Variants in ARL15 observed in about 807,000 individuals in gnomAD.
ARL15 encodes the protein ARF like GTPase 15.
ARL15 carries 19 observed loss-of-function variants against 25.2 expected under a neutral mutation model. That is an observed-to-expected ratio of 0.75 (90% CI 0.53 to 1.10). The LOEUF (loss-of-function observed/expected upper bound fraction) is 1.10, where lower values mean the gene tolerates loss of function less well. Ranked by LOEUF, ARL15 falls within the 50% of genes least tolerant of loss-of-function variation. The pLI is 0.00. For synonymous variants in ARL15, 94 were observed against 86.8 expected (o/e 1.08, Z -0.46); for missense variants, 220 against 246.0 (o/e 0.89, Z 0.71).
intron 4 of ARL15, among the ~76,000 whole-genome samples, chr5:54,002,742 T>G (rs571529597): frequency 6.6e-6 from 1 of 152,202 alleles, no homozygotes; most frequent in Non-Finnish European, 1.5e-5. Flanking sequence ...GATGCATATA[T>G]TTGCAAATTT....
chr5:54,013,462 T>G (rs1749309483), intron 4 of ARL15, among the ~76,000 whole-genome samples: 1 of 152,214 alleles, frequency 6.6e-6, no homozygotes, highest in African/African-American at 2.4e-5. Context: ...TCCCTAAAAT[T>G]GACACTTTCC....
At position 54,131,303 on chromosome 5, in the gene ARL15, C is replaced by G. The variant is rs149928592; in HGVS notation, c.254-17893G>C. On this transcript the variant is annotated intron_variant, in intron 3 of 4. Coordinates refer to ENST00000504924, the MANE Select transcript of ARL15 (RefSeq NM_019087.3). ...GAATCTTTTCACACCATTTATGAAACGTTTACACTGGTCAAAATGAACTGC... is the reference window on the plus strand; with the variant it reads ...GAATCTTTTCACACCATTTATGAAAGGTTTACACTGGTCAAAATGAACTGC... Among the ~76,000 whole-genome samples, 249 of 152,270 alleles carry G rather than the reference C, an allele frequency of 1.6e-3. 2 individuals carry two copies. Among genetic ancestry groups the G allele is most frequent in the Admixed American group, 8.1e-3 (124 of 15,300 alleles).
At chr5:54,080,558 T>G (rs1190535779) in intron 4 of ARL15, among the ~76,000 whole-genome samples, 2 of 152,232 alleles carry the variant, frequency 1.3e-5, no homozygotes, top group Admixed American at 1.3e-4. Flanking sequence ...CCTAACGTTT[T>G]GTGTTTTTAG....
chr5:53,955,453 C>T (rs996880581), intron 4 of ARL15, among the ~76,000 whole-genome samples: 7 of 152,006 alleles, frequency 4.6e-5, no homozygotes, highest in South Asian at 2.1e-4. Context: ...AAGAATTTTT[C>T]GATAAATAAA....
chr5:54,245,530 G>A (rs1757064964), intron 1 of ARL15, among the ~76,000 whole-genome samples: 1 of 152,072 alleles, frequency 6.6e-6, no homozygotes, highest in Non-Finnish European at 1.5e-5. Context: ...TGTAACTTCA[G>A]GCAAGTTCAA....
At position 54,274,648 on chromosome 5, in the gene ARL15, C is replaced by T. The variant is rs1048019615; in HGVS notation, c.48+35784G>A. Among the ~76,000 whole-genome samples the T allele has an allele frequency of 5.3e-5, 8 of 152,244 alleles. No homozygotes were observed. In the East Asian group the frequency reaches 9.7e-4, roughly 18 times the overall value. ...GCTCGGCGGCTCATGCCTGTAATCC[C>T]AGCACTTTGGGAGACTGAGGCGGGT... is the stretch of plus-strand genomic sequence containing the variant. On this transcript the variant is annotated intron_variant, in intron 1 of 4. Transcript: ENST00000504924.
At chr5:54,086,986 G>C (rs1273293067) in intron 4 of ARL15, among the ~76,000 whole-genome samples, 1 of 152,180 alleles carries the variant, frequency 6.6e-6, no homozygotes, top group Non-Finnish European at 1.5e-5. Flanking sequence ...AATGTTCAAA[G>C]CTGAATTAAT....
At chr5:54,285,679 C>T (rs1758162819) in intron 1 of ARL15, among the ~76,000 whole-genome samples, 1 of 152,110 alleles carries the variant, frequency 6.6e-6, no homozygotes, top group African/African-American at 2.4e-5. Flanking sequence ...TCTTCAGAGT[C>T]CTGCAAGCAG....
intron 4 of ARL15, among the ~76,000 whole-genome samples, chr5:54,026,459 G>A (rs1192562527): frequency 6.6e-6 from 1 of 151,976 alleles, no homozygotes; most frequent in Non-Finnish European, 1.5e-5. Context: ...TTGCAGAGAT[G>A]GGGTCTCACT....
intron 2 of ARL15, among the ~76,000 whole-genome samples, chr5:54,164,504 C>T (rs1754511067): frequency 6.6e-6 from 1 of 151,966 alleles, no homozygotes; most frequent in Non-Finnish European, 1.5e-5. Flanking sequence ...TTTCTTTTTG[C>T]AGTTCTGTCA....
intron 1 of ARL15, among the ~76,000 whole-genome samples, chr5:54,181,919 A>G (rs1255287388): frequency 2.2e-5 from 3 of 135,354 alleles, no homozygotes; most frequent in Non-Finnish European, 4.7e-5. Context: ...GCATTTTTTC[A>G]TGTATTTTTT....
chr5:53,930,685 T>A (rs1479740658), intron 4 of ARL15, among the ~76,000 whole-genome samples: 2 of 152,134 alleles, frequency 1.3e-5, no homozygotes, highest in African/African-American at 4.8e-5. Context: ...CAGAGGACAT[T>A]CCTATGAACA....
chr5:54,264,796 G>A (rs937026396), intron 1 of ARL15, among the ~76,000 whole-genome samples: 1 of 152,014 alleles, frequency 6.6e-6, no homozygotes, highest in Admixed American at 6.6e-5. Flanking sequence ...AGCCTACCTT[G>A]ACCACCTATT....
intron 1 of ARL15, among the ~76,000 whole-genome samples, chr5:54,285,970 A>G (rs1758169660): frequency 6.6e-6 from 1 of 152,190 alleles, no homozygotes; most frequent in South Asian, 2.1e-4. Flanking sequence ...ACTCCTCCAG[A>G]GTGGAAATAA....
At chr5:54,067,609 CATCATTTGACCAGAG>C (rs1751281616) in intron 4 of ARL15, among the ~76,000 whole-genome samples, 1 of 152,196 alleles carries the variant, frequency 6.6e-6, no homozygotes, top group South Asian at 2.1e-4. Flanking sequence ...GCTTGTGCTA[CATCATTTGACCAGAG>C]AAAACGCAAG....
rs140026865 is a variant in ARL15, at chr5:54,260,410, C to T, written c.48+50022G>A. Reference sequence around the variant, plus strand: ...TAAAATGAATTCCATAATTCCAAATCGTTTTCTTTTGATATGTCTATGCTG... The same window carrying T: ...TAAAATGAATTCCATAATTCCAAATTGTTTTCTTTTGATATGTCTATGCTG... On this transcript the variant is annotated intron_variant, in intron 1 of 4. Transcript: ENST00000504924. Among the ~76,000 whole-genome samples the T allele has an allele frequency of 8.5e-5, 13 of 152,244 alleles. No homozygotes were observed. In the East Asian group the frequency reaches 1.2e-3, roughly 14 times the overall value.
At position 54,134,568 on chromosome 5, in the gene ARL15, C is replaced by CTTTTTTTT. The variant is rs5867914; in HGVS notation, c.253+20004_253+20011dup. 2.9e-4 allele frequency among the ~76,000 whole-genome samples: 15 copies of CTTTTTTTT among 51,798 alleles called. 3 individuals carry two copies. The highest frequency in any genetic ancestry group is 4.7e-4 in the Non-Finnish European group (14 of 29,544). The allele number at this position is 51,798 out of a possible 152,430, so 34.0% of individuals were successfully genotyped here. A position where few individuals can be genotyped will look rare whatever the true frequency, so the allele number is the denominator to read the frequency against. On this transcript the variant is annotated intron_variant, in intron 3 of 4. Coordinates refer to ENST00000504924, the MANE Select transcript of ARL15 (RefSeq NM_019087.3). Reference sequence around the variant, plus strand: ...GTGAGCTCCCTGAAGGAATGATTAGCTTTTTTTTTTTTTTTTTTTTTTTTT... The same window carrying CTTTTTTTT: ...GTGAGCTCCCTGAAGGAATGATTAGCTTTTTTTTTTTTTTTTTTTTTTTTTTTTTTTTT...
At chr5:54,104,793 T>C (rs541339131) in intron 4 of ARL15, among the ~76,000 whole-genome samples, 35 of 152,186 alleles carry the variant, frequency 2.3e-4, no homozygotes, top group Non-Finnish European at 4.0e-4. Flanking sequence ...TATAAGAAAA[T>C]ATTAAGACTA....
chr5:54,071,510 T>TTCCCCC (rs1751417503), intron 4 of ARL15, among the ~76,000 whole-genome samples: 3 of 64,056 alleles, frequency 4.7e-5, no homozygotes, highest in East Asian at 1.2e-3. Context: ...CCACCGCCTT[T>TTCCCCC]CCCCCCCCCC....
Sources: gnomAD v4.1 joint callset for allele counts (sites outside exome capture counted in the v4.1 genomes callset) on GRCh38, gnomAD v4.1.1 for gene constraint, MANE v1.5 for transcripts, NCBI Gene and HGNC (gene_info 2026-07-23, HGNC 2026-07-21) for gene names.